The following COBL variants were observed in gnomAD, a reference collection of about 807,000 sequenced individuals.
COBL encodes cordon-bleu WH2 repeat protein, also known as protein cordon-bleu.
A neutral mutation model predicts 98.8 loss-of-function variants in COBL; 51 were observed. The ratio of observed to expected loss-of-function variants is 0.52; its 90% CI spans 0.41 to 0.65. The LOEUF (loss-of-function observed/expected upper bound fraction) is 0.65. Among genes scored for constraint, COBL ranks in the 30% least tolerant of loss-of-function variants. The probability of loss-of-function intolerance (pLI) is 0.00; values close to 1 mark genes in which losing one functional copy is unlikely to be tolerated. For synonymous variants in COBL, 634 were observed against 651.7 expected (o/e 0.97, Z 0.41); for missense variants, 1,617 against 1,617.5 (o/e 1.00, Z 0.01).
chr7:51,043,697 A>T lies in COBL; in HGVS notation c.1097-5T>A. On this transcript the variant is annotated splice_polypyrimidine_tract_variant and splice_region_variant and intron_variant, in intron 7 of 12. Transcript: ENST00000265136. ...CAGACCCCAGGGGCAGGCTTACTGG[A>T]CAAGACACGGCAAGGACAGGTCAGC... The T allele has an allele frequency of 1.1e-5, 17 of 1,610,892 alleles. No individual in the cohort carries two copies. Among genetic ancestry groups the T allele is most frequent in the Non-Finnish European group, 1.4e-5 (17 of 1,178,972 alleles).
At chr7:51,183,846 C>T (rs1438829230) in intron 5 of COBL, among the ~76,000 whole-genome samples, 5 of 152,230 alleles carry the variant, frequency 3.3e-5, no homozygotes, top group Admixed American at 6.5e-5. Flanking sequence ...CTCATGGCCC[C>T]GGTCATCAGG....
At position 51,193,546 on chromosome 7, in the gene COBL, G is replaced by T; in HGVS notation, c.289C>A (p.His97Asn). 1 of 1,614,170 alleles carries T rather than the reference G, an allele frequency of 6.2e-7. No individual in the cohort carries two copies. Residue 97 changes from histidine to asparagine, a missense_variant, in exon 3 of 13, where the codon CAC becomes AAC. By Grantham distance (68) the His-to-Asn change is moderately conservative (BLOSUM62 1). Coordinates refer to ENST00000265136, the MANE Select transcript of COBL (RefSeq NM_015198.5). ...DLLVELCLQNHLNPSHHALEI... is the reference protein window; with the variant it reads ...DLLVELCLQNNLNPSHHALEI... Reference sequence around the variant, plus strand: ...AGGGCATGGTGGGATGGATTCAGGTGGTTCTGAAGGCAAAGTTCAACCAGT... The same window carrying T: ...AGGGCATGGTGGGATGGATTCAGGTTGTTCTGAAGGCAAAGTTCAACCAGT...
intron 6 of COBL, among the ~76,000 whole-genome samples, chr7:51,088,686 T>C (rs890417138): frequency 2.6e-5 from 4 of 152,220 alleles, no homozygotes; most frequent in Non-Finnish European, 5.9e-5. Context: ...TATGTATGTT[T>C]CTGTGTCTAG....
intron 7 of COBL, among the ~76,000 whole-genome samples, chr7:51,058,882 T>A (rs1466325497): frequency 1.3e-5 from 2 of 152,204 alleles, no homozygotes; most frequent in African/African-American, 4.8e-5. Flanking sequence ...TTCAGCGTCA[T>A]CTTATTATCC....
At chr7:51,101,717 G>A (rs560298031) in intron 6 of COBL, among the ~76,000 whole-genome samples, 1 of 152,218 alleles carries the variant, frequency 6.6e-6, no homozygotes, top group Non-Finnish European at 1.5e-5. Flanking sequence ...GTGCTTCAAA[G>A]TGTTGCTTTA....
At chr7:51,223,255 A>C (rs1793833538) in intron 1 of COBL, among the ~76,000 whole-genome samples, 1 of 152,244 alleles carries the variant, frequency 6.6e-6, no homozygotes, top group African/African-American at 2.4e-5. Flanking sequence ...TAGTGTGTAC[A>C]TGCATGTGTG....
At chr7:51,229,682 G>T (rs1794551714) in intron 1 of COBL, among the ~76,000 whole-genome samples, 2 of 152,104 alleles carry the variant, frequency 1.3e-5, no homozygotes, top group African/African-American at 2.4e-5. Flanking sequence ...AAGGAGTTTT[G>T]ATTTTTTTCT....
intron 6 of COBL, among the ~76,000 whole-genome samples, chr7:51,093,840 G>A (rs1795029046): frequency 6.6e-6 from 1 of 151,720 alleles, no homozygotes; most frequent in Admixed American, 6.6e-5. Flanking sequence ...GCTGCAGGAG[G>A]CCATGATGAT....
At chr7:51,061,417 T>C (rs1349474000) in intron 7 of COBL, among the ~76,000 whole-genome samples, 1 of 152,068 alleles carries the variant, frequency 6.6e-6, no homozygotes, top group Non-Finnish European at 1.5e-5. Flanking sequence ...GACTTTACCT[T>C]CTCTTCTGGA....
At position 51,028,579 on chromosome 7, in the gene COBL, C is replaced by T. The variant is rs759814093; in HGVS notation, c.2517G>A (p.Met839Ile). 71 of 1,614,090 alleles carry T rather than the reference C, an allele frequency of 4.4e-5. 1 individual carries two copies. The Admixed American group carries it at 1.2e-3, about 27-fold the overall frequency. The change falls in exon 10 of 13, where the codon ATG (methionine) becomes ATA (isoleucine). Residue 839 changes from methionine (M) to isoleucine (I), a missense_variant. Around this residue, in one of 3 missense-constraint regions of COBL, gnomAD observed 1,304 missense variants for 1,282.0 expected, o/e 1.02. Transcript: ENST00000265136. ...LGEGRNQPPT[M>I]GMGHVRVPAA... ...CTGGCACCCTCACGTGACCCATGCC[C>T]ATGGTGGGGGGCTGGTTTCTCCCCT...
intron 2 of COBL, among the ~76,000 whole-genome samples, chr7:51,215,613 T>G (rs190110729): frequency 7.2e-5 from 11 of 152,340 alleles, no homozygotes; most frequent in Admixed American, 2.0e-4. Context: ...CACACCAAGG[T>G]GCACCTGACT....
rs750401277 is a variant in COBL, at chr7:51,029,482, T to C, written c.1614A>G (p.Ala538=). Residue 538 remains alanine, a synonymous_variant, in exon 10 of 13, where the codon GCA becomes GCG. Transcript: ENST00000265136. Reference sequence around the variant, plus strand: ...CTTCCCCTATGAATGTTACTGGGATTGCATCTGTGTCGCCGTGAGGGATCA... The same window carrying C: ...CTTCCCCTATGAATGTTACTGGGATCGCATCTGTGTCGCCGTGAGGGATCA... ...DAMIPHGDTD[A]IPVTFIGEVS... is the part of the protein sequence containing the mutation. 3.2e-5 allele frequency: 52 copies of C among 1,614,046 alleles called. No homozygotes were observed. Among genetic ancestry groups the C allele is most frequent in the Middle Eastern group, 1.6e-4 (1 of 6,084 alleles).
At chr7:51,224,327 G>A (rs1793963060) in intron 1 of COBL, among the ~76,000 whole-genome samples, 1 of 152,046 alleles carries the variant, frequency 6.6e-6, no homozygotes, top group African/African-American at 2.4e-5. Context: ...CTGCTTACAA[G>A]AAACACTGCG....
At chr7:51,044,385 C>T (rs1044185612) in intron 7 of COBL, among the ~76,000 whole-genome samples, 2 of 152,156 alleles carry the variant, frequency 1.3e-5, no homozygotes, top group Admixed American at 6.5e-5. Context: ...GCGCAACTAC[C>T]TAGCTATTTG....
chr7:51,315,642 C>A (rs954938848), intron 1 of COBL, among the ~76,000 whole-genome samples: 1 of 151,898 alleles, frequency 6.6e-6, no homozygotes, highest in East Asian at 1.9e-4. Flanking sequence ...AGGTCCCCGG[C>A]GCGCCGCGCT....
chr7:51,271,396 A>G (rs1232194424), intron 1 of COBL, among the ~76,000 whole-genome samples: 1 of 152,176 alleles, frequency 6.6e-6, no homozygotes, highest in African/African-American at 2.4e-5. Context: ...GCTACTCCTT[A>G]GTAAGCCCCA....
chr7:51,184,377 A>T (rs986244382), intron 4 of COBL, among the ~76,000 whole-genome samples, 178 bp from the exon 5 acceptor site: 2 of 152,220 alleles, frequency 1.3e-5, no homozygotes, highest in Non-Finnish European at 2.9e-5. Context: ...CCTCAGGTCC[A>T]TTTGGGAAAT....
intron 5 of COBL, among the ~76,000 whole-genome samples, chr7:51,169,067 C>T (rs1787606064): frequency 6.6e-6 from 1 of 152,120 alleles, no homozygotes; most frequent in Admixed American, 6.6e-5. Context: ...TCAACTCAGA[C>T]CTTAAGTCTG....
intron 5 of COBL, among the ~76,000 whole-genome samples, chr7:51,158,925 C>A (rs1786482695): frequency 6.6e-6 from 1 of 151,730 alleles, no homozygotes; most frequent in African/African-American, 2.4e-5. Flanking sequence ...GAAGGCACAG[C>A]GCGGGGGTGC....
Sources: allele counts gnomAD v4.1 joint callset (sites outside exome capture counted in the v4.1 genomes callset), GRCh38; gene constraint gnomAD v4.1.1; regional missense constraint gnomAD v4.1.1; transcripts MANE v1.5; gene names NCBI Gene and HGNC (gene_info 2026-07-23, HGNC 2026-07-21).